The following LSAMP variants were observed in gnomAD, a reference collection of about 807,000 sequenced individuals.
The protein encoded by LSAMP is limbic system-associated membrane protein.
LSAMP carries 7 observed loss-of-function variants against 38.6 expected under a neutral mutation model. The observed-to-expected ratio is 0.18, with a 90% CI of 0.10 to 0.34. The LOEUF is 0.34. Among genes scored for constraint, LSAMP ranks in the 10% least tolerant of loss-of-function variants. The probability of loss-of-function intolerance (pLI) is 1.00; values close to 1 mark genes in which losing one functional copy is unlikely to be tolerated. For missense variants in LSAMP, 313 were observed against 420.0 expected (o/e 0.75, Z 2.23); for synonymous variants, 154 against 166.8 (o/e 0.92, Z 0.59).
chr3:116,054,174 C>T (rs1455590851), intron 2 of LSAMP, among the ~76,000 whole-genome samples: 1 of 152,136 alleles, frequency 6.6e-6, no homozygotes, highest in African/African-American at 2.4e-5. Context: ...TCTTCAAAGC[C>T]AGCAGTGCAG....
intron 1 of LSAMP, among the ~76,000 whole-genome samples, chr3:116,305,169 T>C (rs1025860372): frequency 3.9e-5 from 6 of 152,100 alleles, no homozygotes; most frequent in African/African-American, 1.2e-4. Flanking sequence ...TTGCACATAA[T>C]TCTACTATAG....
At chr3:115,864,308 C>G (rs1935796574) in intron 3 of LSAMP, among the ~76,000 whole-genome samples, 1 of 152,178 alleles carries the variant, frequency 6.6e-6, no homozygotes, top group African/African-American at 2.4e-5. Context: ...GATTGCACTC[C>G]AGTTCCCAGC....
intron 3 of LSAMP, among the ~76,000 whole-genome samples, chr3:115,933,072 G>A (rs896345705): frequency 1.3e-5 from 2 of 152,188 alleles, no homozygotes; most frequent in African/African-American, 4.8e-5. Flanking sequence ...AGAGCTAGCA[G>A]TCAAGGAAGG....
intron 2 of LSAMP, among the ~76,000 whole-genome samples, chr3:116,064,130 C>T (rs914771786): frequency 2.6e-5 from 4 of 152,174 alleles, no homozygotes; most frequent in Non-Finnish European, 5.9e-5. Context: ...ATAACCTCTT[C>T]CTCTTTAACA....
chr3:116,023,527 C>T (rs1391052323), intron 2 of LSAMP, among the ~76,000 whole-genome samples: 4 of 150,342 alleles, frequency 2.7e-5, no homozygotes, highest in Admixed American at 1.3e-4. Context: ...ATGGCTTGAA[C>T]CCAGGAGGCG....
At chr3:116,056,605 C>T (rs991111581) in intron 2 of LSAMP, among the ~76,000 whole-genome samples, 29 of 152,082 alleles carry the variant, frequency 1.9e-4, no homozygotes, top group African/African-American at 6.3e-4. Context: ...CTGAGCATAA[C>T]GCTTATTTTT....
chr3:116,214,860 A>G (rs2046201922), intron 1 of LSAMP, among the ~76,000 whole-genome samples: 2 of 152,142 alleles, frequency 1.3e-5, no homozygotes, highest in Non-Finnish European at 2.9e-5. Flanking sequence ...TGACAGGGTC[A>G]TCTCTAAGTG....
chr3:116,359,108 A>C (rs2107776179), intron 1 of LSAMP, among the ~76,000 whole-genome samples: 1 of 152,324 alleles, frequency 6.6e-6, no homozygotes, highest in African/African-American at 2.4e-5. Flanking sequence ...ATTATGTTTA[A>C]AATTATTTAT....
intron 1 of LSAMP, among the ~76,000 whole-genome samples, chr3:116,113,420 ATTT>A (rs374608044): frequency 0.014 from 695 of 50,872 alleles, 5 homozygotes; most frequent in African/African-American, 0.064. Context: ...ATATATATAT[ATTT>A]TTTTTTTTTT....
At chr3:115,966,809 T>C (rs1938830353) in intron 3 of LSAMP, among the ~76,000 whole-genome samples, 1 of 152,170 alleles carries the variant, frequency 6.6e-6, no homozygotes, top group South Asian at 2.1e-4. Context: ...TACATACATA[T>C]AGGCAATTTA....
intron 3 of LSAMP, among the ~76,000 whole-genome samples, chr3:115,969,374 T>C (rs916697075): frequency 6.6e-6 from 1 of 152,136 alleles, no homozygotes; most frequent in Non-Finnish European, 1.5e-5. Flanking sequence ...GTTTGGTATG[T>C]GTGTGTGAAG....
At chr3:116,305,675 A>G (rs776150552) in intron 1 of LSAMP, among the ~76,000 whole-genome samples, 3 of 152,122 alleles carry the variant, frequency 2.0e-5, no homozygotes, top group Non-Finnish European at 2.9e-5. Flanking sequence ...AAATTATATT[A>G]TTTGTATTAA....
At chr3:115,934,328 C>T (rs370064662) in intron 3 of LSAMP, among the ~76,000 whole-genome samples, 26 of 151,912 alleles carry the variant, frequency 1.7e-4, no homozygotes, top group Non-Finnish European at 3.4e-4. Context: ...CAGGCGCCCG[C>T]CACCATGCCC....
chr3:116,092,201 T>C (rs1178859414), intron 1 of LSAMP, among the ~76,000 whole-genome samples: 1 of 152,166 alleles, frequency 6.6e-6, no homozygotes. Flanking sequence ...AATTATCTAA[T>C]AGGTACAGTA....
intron 3 of LSAMP, among the ~76,000 whole-genome samples, chr3:115,978,270 T>C (rs1427741971): frequency 6.6e-6 from 1 of 152,096 alleles, no homozygotes; most frequent in Non-Finnish European, 1.5e-5. Context: ...TTTGGTAATA[T>C]ATGGATCTAC....
chr3:116,354,513 C>A (rs982834089), intron 1 of LSAMP, among the ~76,000 whole-genome samples: 2 of 152,116 alleles, frequency 1.3e-5, no homozygotes, highest in Non-Finnish European at 2.9e-5. Context: ...TTTCCCTTGG[C>A]AATGAAGAAG....
intron 4 of LSAMP, among the ~76,000 whole-genome samples, chr3:115,843,343 G>A (rs1397625323): frequency 6.6e-5 from 10 of 152,214 alleles, no homozygotes; most frequent in African/African-American, 1.4e-4. Context: ...CACATTTGAC[G>A]CTCTAATTTT....
intron 1 of LSAMP, among the ~76,000 whole-genome samples, chr3:116,202,954 A>G (rs1226008417): frequency 6.6e-6 from 1 of 152,224 alleles, no homozygotes; most frequent in African/African-American, 2.4e-5. Context: ...TTGTTGCTGA[A>G]GTATATAAAC....
At chr3:116,105,851 G>T (rs989033416) in intron 1 of LSAMP, among the ~76,000 whole-genome samples, 2 of 152,104 alleles carry the variant, frequency 1.3e-5, no homozygotes, top group African/African-American at 4.8e-5. Context: ...TGTTGGGGCG[G>T]CAAAAATTTT....
Sources: allele counts gnomAD v4.1 joint callset (sites outside exome capture counted in the v4.1 genomes callset), GRCh38; gene constraint gnomAD v4.1.1; transcripts MANE v1.5; gene names NCBI Gene and HGNC (gene_info 2026-07-23, HGNC 2026-07-21).